HNF4G: variants seen among roughly 807,000 people sequenced by gnomAD.
HNF4G encodes hepatocyte nuclear factor 4-gamma.
In HNF4G, 21 loss-of-function variants were observed where a neutral mutation model predicts 50.9. The observed-to-expected ratio is 0.41, with a 90% CI of 0.29 to 0.59. The LOEUF is 0.59. HNF4G is among the 20% of genes least tolerant of loss of function. The pLI, the probability that HNF4G is intolerant of heterozygous loss-of-function variation, is 0.26. For synonymous variants in HNF4G, 198 were observed against 185.6 expected (o/e 1.07, Z -0.54); for missense variants, 527 against 559.4 (o/e 0.94, Z 0.58).
At chr8:75,443,811 T>A (rs61047233) in intron 1 of HNF4G, among the ~76,000 whole-genome samples, 6,167 of 152,276 alleles carry the variant, frequency 0.04, 323 homozygotes, top group African/African-American at 0.12. Context: ...TGTTTATCAT[T>A]TGACCAAATA....
intron 3 of HNF4G, 24 bp downstream of exon 3, chr8:75,547,705 T>C: frequency 6.1e-6 from 8 of 1,311,976 alleles, no homozygotes; most frequent in Non-Finnish European, 8.8e-6. Context: ...TGATGATAAT[T>C]AACATTATTG....
Position 75,492,627 on chromosome 8 carries a change from G to A in HNF4G, c.-24+2419G>A, listed in dbSNP as rs191032755. ...TTCCTCAAAGCAATTTTATGAGATGGGTCTCTTTATCCTCATTTTGTAGAG... is the reference window on the plus strand; with the variant it reads ...TTCCTCAAAGCAATTTTATGAGATGAGTCTCTTTATCCTCATTTTGTAGAG... On this transcript the variant is annotated intron_variant, in intron 2 of 10. Transcript: ENST00000354370. 1.0e-3 allele frequency among the ~76,000 whole-genome samples: 156 copies of A among 152,128 alleles called. 1 individual carries two copies. Among genetic ancestry groups the A allele is most frequent in the Non-Finnish European group, 1.2e-3 (82 of 67,982 alleles).
At chr8:75,445,212 A>T (rs1811396297) in intron 1 of HNF4G, among the ~76,000 whole-genome samples, 2 of 103,356 alleles carry the variant, frequency 1.9e-5, no homozygotes, top group African/African-American at 8.1e-5. Context: ...GCAGAAATAA[A>T]GATGTTCTTT....
chr8:75,452,411 C>G (rs1469770082), intron 1 of HNF4G, among the ~76,000 whole-genome samples: 1 of 152,048 alleles, frequency 6.6e-6, no homozygotes, highest in Non-Finnish European at 1.5e-5. Flanking sequence ...AAATAAGTAT[C>G]TTTTTAATGA....
chr8:75,437,509 C>T (rs543507432), intron 1 of HNF4G, among the ~76,000 whole-genome samples: 3 of 152,174 alleles, frequency 2.0e-5, no homozygotes, highest in African/African-American at 7.2e-5. Flanking sequence ...GGGCCTTAAA[C>T]TATCTAGGAC....
intron 1 of HNF4G, among the ~76,000 whole-genome samples, chr8:75,417,164 G>A (rs1010884274): frequency 5.3e-5 from 8 of 151,990 alleles, no homozygotes; most frequent in African/African-American, 1.9e-4. Context: ...TGACTAGTCA[G>A]CATTCTGTTA....
At chr8:75,539,211 T>A (rs1202701637), upstream of HNF4G, among the ~76,000 whole-genome samples, 1 of 152,208 alleles carries the variant, frequency 6.6e-6, no homozygotes, top group Non-Finnish European at 1.5e-5. Context: ...TGAAACATTA[T>A]ACATGTAACA....
At chr8:75,474,771 C>T (rs1048041539) in intron 1 of HNF4G, among the ~76,000 whole-genome samples, 6 of 151,998 alleles carry the variant, frequency 3.9e-5, no homozygotes, top group Non-Finnish European at 8.8e-5. Context: ...GATCTTGGCT[C>T]ACTGCAACCT....
chr8:75,454,304 T>A lies in HNF4G; in HGVS notation c.-143-35785T>A, dbSNP rs117622006. On this transcript the variant is annotated intron_variant, in intron 1 of 10. Coordinates refer to the HNF4G transcript ENST00000354370. ...GTTGTTTAAACCATCCAGTCTATAG[T>A]ACTTTGTTACAGCAAACTGAGCTAA... Among the ~76,000 whole-genome samples, 929 of 152,290 alleles carry A rather than the reference T, an allele frequency of 6.1e-3. 6 individuals carry two copies. Among genetic ancestry groups the A allele is most frequent in the Middle Eastern group, 0.014 (4 of 294 alleles).
chr8:75,459,901 A>G (rs998638732), intron 1 of HNF4G, among the ~76,000 whole-genome samples: 10 of 152,086 alleles, frequency 6.6e-5, no homozygotes, highest in Non-Finnish European at 1.2e-4. Context: ...ATGGAAAATC[A>G]TACACCATGG....
intron 2 of HNF4G, among the ~76,000 whole-genome samples, chr8:75,510,276 A>C (rs1429492296): frequency 6.6e-6 from 1 of 152,228 alleles, no homozygotes; most frequent in East Asian, 1.9e-4. Flanking sequence ...TATATGTTTT[A>C]AGCTGTTATA....
Position 75,559,011 on chromosome 8 carries a change from A to C in HNF4G, c.1097A>C (p.Asn366Thr). Residue 366 changes from asparagine (N) to threonine (T), a missense_variant, in exon 8 of 10, where the codon AAT becomes ACT. By Grantham distance (65) the Asn-to-Thr change is moderately conservative. This residue lies in a region of HNF4G where 308 missense variants were observed against 301.5 expected (regional missense o/e 1.02). Coordinates refer to ENST00000396423, the MANE Select transcript of HNF4G (RefSeq NM_004133.5). ...CTTTTTGGGATGGTTAAAATTGACA[A>C]TCTACTTCAGGAAATGCTATTAGGT... is the stretch of plus-strand genomic sequence containing the variant. ...VKLFGMVKID[N>T]LLQEMLLGGA... 2 of 1,602,572 alleles carry C rather than the reference A, an allele frequency of 1.2e-6. No individual in the cohort carries two copies. Among genetic ancestry groups the C allele is most frequent in the Non-Finnish European group, 1.7e-6 (2 of 1,169,554 alleles).
intron 1 of HNF4G, among the ~76,000 whole-genome samples, chr8:75,450,326 G>A (rs1366607095): frequency 8.6e-5 from 13 of 152,032 alleles, no homozygotes; most frequent in Admixed American, 8.5e-4. Context: ...GGTGTGTTTT[G>A]GAGGGATCTC....
intron 1 of HNF4G, among the ~76,000 whole-genome samples, chr8:75,415,146 TA>T (rs1253721631): frequency 3.3e-5 from 5 of 152,348 alleles, no homozygotes; most frequent in African/African-American, 1.2e-4. Context: ...TTCATGAGCT[TA>T]TGTAACATAA....
chr8:75,513,379 T>G (rs1024079831), intron 2 of HNF4G, among the ~76,000 whole-genome samples: 1 of 152,176 alleles, frequency 6.6e-6, no homozygotes, highest in Non-Finnish European at 1.5e-5. Context: ...ATTTTCTATT[T>G]CTTGTGATTA....
intron 2 of HNF4G, among the ~76,000 whole-genome samples, chr8:75,496,356 TTAATA>T (rs1812764686): frequency 6.6e-6 from 1 of 152,078 alleles, no homozygotes; most frequent in Non-Finnish European, 1.5e-5. Context: ...TGAATATATC[TTAATA>T]TAATATATTT....
At chr8:75,470,936 TTGTC>T (rs1812100051) in intron 1 of HNF4G, among the ~76,000 whole-genome samples, 1 of 152,202 alleles carries the variant, frequency 6.6e-6, no homozygotes, top group African/African-American at 2.4e-5. Flanking sequence ...TGTAACTTCT[TTGTC>T]TGATCTCCTT....
chr8:75,466,116 A>T (rs1811964388), intron 1 of HNF4G, among the ~76,000 whole-genome samples: 1 of 152,210 alleles, frequency 6.6e-6, no homozygotes, highest in African/African-American at 2.4e-5. Context: ...GAGGCTCATT[A>T]TACTCCAAAA....
chr8:75,421,069 CTATTT>C (rs1466616063), intron 1 of HNF4G, among the ~76,000 whole-genome samples: 1 of 152,158 alleles, frequency 6.6e-6, no homozygotes, highest in Non-Finnish European at 1.5e-5. Flanking sequence ...CTTTAATAAT[CTATTT>C]TATTTAACCC....
Sources: allele counts gnomAD v4.1 joint callset (sites outside exome capture counted in the v4.1 genomes callset), GRCh38; gene constraint gnomAD v4.1.1; regional missense constraint gnomAD v4.1.1; transcripts MANE v1.5; gene names NCBI Gene and HGNC (gene_info 2026-07-23, HGNC 2026-07-21).